The following FCMR variants were observed in gnomAD, a reference collection of about 807,000 sequenced individuals.
FCMR encodes Fc mu receptor.
In FCMR, 34 loss-of-function variants were observed where a neutral mutation model predicts 41.6. That is an observed-to-expected ratio of 0.82 (90% CI 0.62 to 1.09). FCMR has a LOEUF of 1.09. Among genes scored for constraint, FCMR ranks in the 50% least tolerant of loss-of-function variants. FCMR has a pLI of 0.00. For missense variants in FCMR, 496 were observed against 512.5 expected, an observed-to-expected ratio of 0.97 and a Z score of 0.31; for synonymous variants, 209 against 211.8, an observed-to-expected ratio of 0.99 and a Z score of 0.12.
rs1223547939 is a variant in FCMR, at chr1:206,903,389, T to C, written c.*1630A>G. 3 of 244,688 alleles carry C rather than the reference T, an allele frequency of 1.2e-5. No individual in the cohort carries two copies. The highest frequency in any genetic ancestry group is 2.4e-5 in the Non-Finnish European group (3 of 123,542). 15.2% of individuals were successfully genotyped at this position (244,688 alleles called of 1,614,324 possible). A position where few individuals can be genotyped will look rare whatever the true frequency, so the allele number is the denominator to read the frequency against. ...GCAGCAGAATATTGTGCCCCATGCT[T>C]CTTTACCCCTCACAATCCTTGCCAC... On this transcript the variant is annotated 3_prime_UTR_variant, in exon 8 of 8. Coordinates refer to ENST00000367091, the MANE Select transcript of FCMR (RefSeq NM_005449.5).
At chr1:206,908,992 C>A (rs202205523) in intron 7 of FCMR, among the ~76,000 whole-genome samples, 1 of 30,666 alleles carries the variant, frequency 3.3e-5, no homozygotes, top group Non-Finnish European at 5.8e-5. Context: ...CATCCTCTAG[C>A]CAAGCTTAAC....
intron 7 of FCMR, among the ~76,000 whole-genome samples, chr1:206,908,553 A>G (rs1572618544): frequency 6.6e-6 from 1 of 152,282 alleles, no homozygotes; most frequent in East Asian, 1.9e-4. Context: ...CTGGTAATAT[A>G]GCTCTGCAGC....
At chr1:206,906,235 G>A in intron 7 of FCMR, 2 of 438,102 alleles carry the variant, frequency 4.6e-6, no homozygotes, top group Admixed American at 2.6e-5. Context: ...CAAAGTTGGA[G>A]GTGACACAGA....
At chr1:206,908,998 T>C (rs1227761638) in intron 7 of FCMR, among the ~76,000 whole-genome samples, 1 of 151,968 alleles carries the variant, frequency 6.6e-6, no homozygotes, top group Non-Finnish European at 1.5e-5. Flanking sequence ...CTAGCCAAGC[T>C]TAACCGCCTC....
Position 206,913,784 on chromosome 1 carries a change from C to T in FCMR, c.348G>A (p.Gln116=), listed in dbSNP as rs762942905. Residue 116 remains glutamine (Q), a synonymous_variant, in exon 2 of 8, where the codon CAG becomes CAA. Coordinates refer to ENST00000367091, the MANE Select transcript of FCMR (RefSeq NM_005449.5). Reference sequence around the variant, plus strand: ...CACTGTGGACATTCAGGGTGACTTTCTGGGTCTTTCCCCGGTCTGTGTTCA... The same window carrying T: ...CACTGTGGACATTCAGGGTGACTTTTTGGGTCTTTCCCCGGTCTGTGTTCA... ...AGMNTDRGKT[Q]KVTLNVHSEY... 1.9e-6 allele frequency: 3 copies of T among 1,614,218 alleles called. No homozygotes were observed. Among genetic ancestry groups the T allele is most frequent in the Non-Finnish European group, 2.5e-6 (3 of 1,180,018 alleles).
intron 4 of FCMR, 43 bp from the exon 5 acceptor site, chr1:206,910,383 A>G: frequency 6.8e-7 from 1 of 1,465,036 alleles, no homozygotes; most frequent in Non-Finnish European, 9.1e-7. Flanking sequence ...AGAGATTATT[A>G]AAGGAGGTAG....
intron 2 of FCMR, 112 bp from the exon 3 acceptor site, chr1:206,913,154 G>T: frequency 1.2e-6 from 1 of 808,476 alleles, no homozygotes; most frequent in Non-Finnish European, 2.1e-6. Flanking sequence ...TGAGGGCAGG[G>T]TCCACTGAAA....
Position 206,909,703 on chromosome 1 carries a change from C to G in FCMR, c.985+22G>C, listed in dbSNP as rs922316240. 12 of 1,408,506 alleles carry G rather than the reference C, an allele frequency of 8.5e-6. No individual in the cohort carries two copies. Among genetic ancestry groups the G allele is most frequent in the Non-Finnish European group, 1.1e-5 (12 of 1,093,956 alleles). 87.3% of individuals were successfully genotyped at this position (1,408,506 alleles called of 1,614,324 possible). On this transcript the variant is annotated intron_variant, in intron 6 of 7. Coordinates refer to ENST00000367091, the MANE Select transcript of FCMR (RefSeq NM_005449.5). The surrounding 1 kb of genome is among the most constrained non-coding windows in gnomAD (Gnocchi z 5.0). ...CCAGCGCACTCTTTCCGCTACTCCC[C>G]GTGGCCCGCCCGGCGGCTCACCTGC...
In FCMR at chr1:206,904,298, T is replaced by A. The variant is rs979015490; in HGVS notation, c.*721A>T. The A allele has an allele frequency of 8.1e-6, 1 of 123,636 alleles. No homozygotes were observed. The highest frequency in any genetic ancestry group is 4.2e-5 in the African/African-American group (1 of 23,656). The allele number at this position is 123,636 out of a possible 1,614,324, so 7.7% of individuals were successfully genotyped here. On this transcript the variant is annotated 3_prime_UTR_variant, in exon 8 of 8. Coordinates refer to ENST00000367091, the MANE Select transcript of FCMR (RefSeq NM_005449.5). ...CTATGGAAGAAAGATAAAGAGATAC[T>A]TTTTTTTTTTTTTTTTTAGAGGGGA...
At position 206,910,293 on chromosome 1, in the gene FCMR, T is replaced by C. The variant is rs1380406873; in HGVS notation, c.758A>G (p.His253Arg). The change falls in exon 5 of 8, where the codon CAC becomes CGC. Residue 253 changes from histidine (H) to arginine (R), a missense_variant. Physicochemically the swap from His to Arg is conservative, Grantham distance 29 (BLOSUM62 0). Transcript: ENST00000367091. The part of the protein sequence containing the change: ...SQSGREGQGF[H>R]ILIPTILGLF... ...GCCCAGGATGGTCGGGATCAGGATGTGAAATCCTTGGCCTTCCCTCCCAGA... is the reference window on the plus strand; with the variant it reads ...GCCCAGGATGGTCGGGATCAGGATGCGAAATCCTTGGCCTTCCCTCCCAGA... 1.3e-6 allele frequency: 2 copies of C among 1,575,612 alleles called. No homozygotes were observed. The highest frequency in any genetic ancestry group is 1.8e-5 in the Admixed American group (1 of 54,188).
chr1:206,914,310 T>TTTCCTTCCTTCCTTCCTTCCTTCC (rs139221448), intron 1 of FCMR, among the ~76,000 whole-genome samples: 6 of 145,676 alleles, frequency 4.1e-5, no homozygotes, highest in Admixed American at 1.4e-4. Context: ...TTTTCTTTTC[T>TTTCCTTCCTTCCTTCCTTCCTTCC]TTCCTTCCTT....
chr1:206,907,103 T>TGGGG (rs75679471), intron 7 of FCMR, among the ~76,000 whole-genome samples: 4 of 43,350 alleles, frequency 9.2e-5, no homozygotes, highest in Admixed American at 2.3e-4. Context: ...GGTGGGGGGG[T>TGGGG]GGGGGGGGGG....
intron 7 of FCMR, among the ~76,000 whole-genome samples, chr1:206,907,075 G>A (rs1572616072): frequency 8.6e-6 from 1 of 116,292 alleles, no homozygotes; most frequent in Admixed American, 8.4e-5. Context: ...GCAAGCCGGA[G>A]AAGCCGGGGG....
chr1:206,908,150 G>C, intron 7 of FCMR: 2 of 1,404,086 alleles, frequency 1.4e-6, no homozygotes, highest in Non-Finnish European at 2.0e-6. Context: ...ATGAGGCTAC[G>C]GAAACGGGCC....
chr1:206,911,646 G>T, intron 4 of FCMR, 84 bp downstream of exon 4: 4 of 1,267,080 alleles, frequency 3.2e-6, no homozygotes, highest in Non-Finnish European at 3.4e-6. Flanking sequence ...GCCAAGGAGG[G>T]TGTCTAATAA....
At chr1:206,907,052 G>A (rs952588161) in intron 7 of FCMR, among the ~76,000 whole-genome samples, 14 of 140,300 alleles carry the variant, frequency 1.0e-4, no homozygotes, top group Admixed American at 5.7e-4. Context: ...TTCTCTAGCG[G>A]GGGTGGGGAA....
Position 206,909,715 on chromosome 1 carries a change from G to A in FCMR, c.985+10C>T, listed in dbSNP as rs1678834752. The A allele has an allele frequency of 7.0e-7, 1 of 1,422,594 alleles. No homozygotes were observed. The highest frequency in any genetic ancestry group is 9.1e-7 in the Non-Finnish European group (1 of 1,100,142). The allele number at this position is 1,422,594 out of a possible 1,614,324, so 88.1% of individuals were successfully genotyped here. On this transcript the variant is annotated intron_variant, in intron 6 of 7. Transcript: ENST00000367091. This position sits in a 1 kb window ranked among gnomAD's most constrained non-coding sequence, Gnocchi z 5.0. ...TTCCGCTACTCCCCGTGGCCCGCCC[G>A]GCGGCTCACCTGCAGCGTCCGCTCC...
intron 2 of FCMR, 46 bp from the exon 3 acceptor site, chr1:206,913,088 T>G (rs765117250): frequency 6.9e-7 from 1 of 1,449,690 alleles, no homozygotes; most frequent in African/African-American, 1.4e-5. Flanking sequence ...AGGGGGAGAC[T>G]GAGGCTTGGG....
At chr1:206,910,777 C>T (rs1678905294) in intron 4 of FCMR, among the ~76,000 whole-genome samples, 1 of 152,112 alleles carries the variant, frequency 6.6e-6, no homozygotes, top group Non-Finnish European at 1.5e-5. Flanking sequence ...TCATAGTGCT[C>T]CTTCTGCCTA....
Sources: allele counts gnomAD v4.1 joint callset (sites outside exome capture counted in the v4.1 genomes callset), GRCh38; gene constraint gnomAD v4.1.1; non-coding constraint Gnocchi (gnomAD v3.1); transcripts MANE v1.5; gene names NCBI Gene and HGNC (gene_info 2026-07-23, HGNC 2026-07-21).